The following TWSG1 variants were observed in gnomAD, a reference collection of about 807,000 sequenced individuals.
The protein encoded by TWSG1 is twisted gastrulation protein homolog 1.
TWSG1 carries 15 observed loss-of-function variants against 23.0 expected under a neutral mutation model. The observed-to-expected ratio is 0.65, with a 90% confidence interval of 0.44 to 1.00. The LOEUF is 1.00. TWSG1 is among the 50% of genes least tolerant of loss of function. TWSG1 has a pLI of 0.00. For synonymous variants in TWSG1, 86 were observed against 92.8 expected (o/e 0.93, Z 0.42); for missense variants, 242 against 278.7 (o/e 0.87, Z 0.94).
In TWSG1 at chr18:9,337,218, C is replaced by G. The variant is rs1258538896; in HGVS notation, c.-12C>G. 6.2e-7 allele frequency: 1 copy of G among 1,609,116 alleles called. No homozygotes were observed. The highest frequency in any genetic ancestry group is 8.5e-7 in the Non-Finnish European group (1 of 1,179,788). ...TTTCCTGGGAGTTACTGATCATCTT[C>G]TTTGAAGAAACATGAAGTTACACTA... is the stretch of plus-strand genomic sequence containing the variant. On this transcript the variant is annotated 5_prime_UTR_variant, in exon 2 of 5. Coordinates refer to ENST00000262120, the MANE Select transcript of TWSG1 (RefSeq NM_020648.6).
intron 3 of TWSG1, among the ~76,000 whole-genome samples, chr18:9,367,689 G>A (rs1020878328): frequency 9.2e-5 from 14 of 152,280 alleles, no homozygotes; most frequent in Admixed American, 5.2e-4. Context: ...CTGCACATAC[G>A]AGGGGTCTCA....
At chr18:9,386,805 C>G (rs974459378) in intron 3 of TWSG1, among the ~76,000 whole-genome samples, 2 of 152,104 alleles carry the variant, frequency 1.3e-5, no homozygotes, top group African/African-American at 4.8e-5. Flanking sequence ...AGTTTGTATA[C>G]AAGAAGTTAA....
intron 2 of TWSG1, among the ~76,000 whole-genome samples, chr18:9,359,171 C>T (rs1176120836): frequency 2.0e-5 from 3 of 151,488 alleles, no homozygotes; most frequent in Non-Finnish European, 4.4e-5. Context: ...GGCCTTATTC[C>T]TGTGTCTGTT....
Position 9,401,448 on chromosome 18 carries a change from A to C in TWSG1, c.*1921A>C, listed in dbSNP as rs2040762109. 7.3e-6 allele frequency: 1 copy of C among 136,958 alleles called. No homozygotes were observed. The highest frequency in any genetic ancestry group is 1.6e-5 in the Non-Finnish European group (1 of 62,290). The allele number at this position is 136,958 out of a possible 1,614,324, so 8.5% of individuals were successfully genotyped here. On this transcript the variant is annotated 3_prime_UTR_variant, in exon 5 of 5. Coordinates refer to ENST00000262120, the MANE Select transcript of TWSG1 (RefSeq NM_020648.6). Reference sequence around the variant, plus strand: ...TAATGATGACAACAAATATTTTAAAACTGCATTTATCATTTTTTAGGTCTT... The same window carrying C: ...TAATGATGACAACAAATATTTTAAACCTGCATTTATCATTTTTTAGGTCTT...
Position 9,372,390 on chromosome 18 carries a change from C to T in TWSG1, c.223+12319C>T, listed in dbSNP as rs1045933574. 9.6e-5 allele frequency among the ~76,000 whole-genome samples: 8 copies of T among 83,320 alleles called. No individual in the cohort carries two copies. The East Asian group carries it at 1.5e-3, about 15-fold the overall frequency. The allele number at this position is 83,320 out of a possible 152,430, so 54.7% of individuals were successfully genotyped here. A position where few individuals can be genotyped will look rare whatever the true frequency, so the allele number is the denominator to read the frequency against. On this transcript the variant is annotated intron_variant, in intron 3 of 4. Transcript: ENST00000262120. ...AAAATAAAAATAAAATAAAATAATACGGTAATAAAAGTTATGTGAATGTGA... is the reference window on the plus strand; with the variant it reads ...AAAATAAAAATAAAATAAAATAATATGGTAATAAAAGTTATGTGAATGTGA...
chr18:9,343,109 G>A (rs1212434964), intron 2 of TWSG1, among the ~76,000 whole-genome samples: 1 of 151,474 alleles, frequency 6.6e-6, no homozygotes, highest in Non-Finnish European at 1.5e-5. Context: ...AAACTGTTGA[G>A]TCTAGTGTTG....
At chr18:9,336,587 T>C (rs1444561194) in intron 1 of TWSG1, among the ~76,000 whole-genome samples, 2 of 152,110 alleles carry the variant, frequency 1.3e-5, no homozygotes, top group Non-Finnish European at 2.9e-5. Context: ...TTTGTTTTGA[T>C]TCTAAGAATT....
chr18:9,364,661 G>GCC (rs2040569113), intron 3 of TWSG1, among the ~76,000 whole-genome samples: 1 of 152,038 alleles, frequency 6.6e-6, no homozygotes, highest in African/African-American at 2.4e-5. Flanking sequence ...AGGTGTGGTG[G>GCC]TAGGCACCTG....
chr18:9,380,377 G>T (rs2040650947), intron 3 of TWSG1, among the ~76,000 whole-genome samples: 1 of 152,066 alleles, frequency 6.6e-6, no homozygotes, highest in Admixed American at 6.6e-5. Flanking sequence ...TTGCTTCAAG[G>T]GTCCATGCTC....
chr18:9,398,444 T>TTTTGTTTG (rs373080620), intron 4 of TWSG1, among the ~76,000 whole-genome samples: 1 of 151,534 alleles, frequency 6.6e-6, no homozygotes, highest in African/African-American at 2.4e-5. Context: ...ATTTGCAGGT[T>TTTTGTTTG]TTTGTTTGTT....
At position 9,396,460 on chromosome 18, in the gene TWSG1, C is replaced by A; in HGVS notation, c.404C>A (p.Ser135Ter). ...EELSHHENLVSFLETVNQPHH... is the reference protein window; with the variant it reads ...EELSHHENLV ...CTTTCACATCATGAGAATCTGGTTT[C>A]ATTTTTAGAAACTGTGAACCAGCCA... Residue 135 changes from serine (S) to a stop codon, truncating the protein, a stop_gained, in exon 4 of 5, where the codon TCA (serine) becomes TAA (stop). Transcript: ENST00000262120. LOFTEE classifies it high-confidence loss of function. 1.2e-6 allele frequency: 2 copies of A among 1,614,166 alleles called. No homozygotes were observed. Among genetic ancestry groups the A allele is most frequent in the Non-Finnish European group, 1.7e-6 (2 of 1,180,040 alleles).
chr18:9,345,803 T>TA (rs1050729347), intron 2 of TWSG1, among the ~76,000 whole-genome samples: 2 of 152,244 alleles, frequency 1.3e-5, no homozygotes, highest in African/African-American at 4.8e-5. Context: ...GCTGGGATCT[T>TA]AAAAAAATAT....
At chr18:9,374,279 A>G (rs921235313) in intron 3 of TWSG1, among the ~76,000 whole-genome samples, 1 of 152,224 alleles carries the variant, frequency 6.6e-6, no homozygotes, top group Non-Finnish European at 1.5e-5. Flanking sequence ...AATAAAATGG[A>G]TGATCTTCTA....
At chr18:9,337,677 T>C (rs1041114264) in intron 2 of TWSG1, among the ~76,000 whole-genome samples, 1 of 152,214 alleles carries the variant, frequency 6.6e-6, no homozygotes, top group Admixed American at 6.5e-5. Flanking sequence ...AATGAATGTA[T>C]TTAGAAAAAA....
intron 2 of TWSG1, among the ~76,000 whole-genome samples, chr18:9,358,345 A>T (rs1371840054): frequency 6.6e-6 from 1 of 152,196 alleles, no homozygotes; most frequent in African/African-American, 2.4e-5. Flanking sequence ...ATTGACAATT[A>T]TCTGTGTCTT....
chr18:9,364,647 A>G (rs1242454677), intron 3 of TWSG1, among the ~76,000 whole-genome samples: 1 of 152,088 alleles, frequency 6.6e-6, no homozygotes, highest in Non-Finnish European at 1.5e-5. Flanking sequence ...TACAAAAATT[A>G]GCCAGGTGTG....
chr18:9,338,416 C>T (rs1044524380), intron 2 of TWSG1, among the ~76,000 whole-genome samples: 5 of 152,138 alleles, frequency 3.3e-5, no homozygotes, highest in Admixed American at 1.3e-4. Context: ...ATGAACCATC[C>T]ATGAGTAGTT....
intron 3 of TWSG1, among the ~76,000 whole-genome samples, chr18:9,382,182 G>A (rs1230940480): frequency 6.6e-6 from 1 of 151,340 alleles, no homozygotes; most frequent in Non-Finnish European, 1.5e-5. Flanking sequence ...CTAACTTTTG[G>A]GAAAGTTAAC....
chr18:9,346,138 TC>T (rs1425343355), intron 2 of TWSG1, among the ~76,000 whole-genome samples: 3 of 152,158 alleles, frequency 2.0e-5, no homozygotes, highest in African/African-American at 7.2e-5. Flanking sequence ...GCCAACCTCT[TC>T]ATCCCTCCCT....
Sources: gnomAD v4.1 joint callset for allele counts (sites outside exome capture counted in the v4.1 genomes callset) on GRCh38, gnomAD v4.1.1 for gene constraint, MANE v1.5 for transcripts, NCBI Gene and HGNC (gene_info 2026-07-23, HGNC 2026-07-21) for gene names.